The following FMN2 variants were observed in gnomAD, a reference collection of about 807,000 sequenced individuals.
The protein encoded by FMN2 is formin 2.
In FMN2, 51 loss-of-function variants were observed where a neutral mutation model predicts 142.3. The ratio of observed to expected loss-of-function variants is 0.36; its 90% CI spans 0.29 to 0.45. The LOEUF is 0.45. Among genes scored for constraint, FMN2 ranks in the 20% least tolerant of loss-of-function variants. The probability of loss-of-function intolerance (pLI) is 1.00; values close to 1 mark genes in which losing one functional copy is unlikely to be tolerated. For synonymous variants in FMN2, 882 were observed against 869.8 expected (o/e 1.01, Z -0.25); for missense variants, 1,936 against 2,122.8 (o/e 0.91, Z 1.73).
intron 7 of FMN2, among the ~76,000 whole-genome samples, chr1:240,271,116 T>G (rs112216288): frequency 2.6e-4 from 38 of 147,846 alleles, no homozygotes; most frequent in Non-Finnish European, 3.6e-4. Flanking sequence ...TTTTTTTTTT[T>G]TGTGACTCTG....
intron 8 of FMN2, among the ~76,000 whole-genome samples, chr1:240,296,438 C>CTTTTTTTTTTTTTTTTTTTTT (rs772711130): frequency 3.2e-4 from 15 of 46,912 alleles, no homozygotes; most frequent in Admixed American, 9.5e-4. Context: ...TCTTTGAGTG[C>CTTTTTTTTTTTTTTTTTTTTT]TTTTTTTTTT....
chr1:240,209,274 G>A (rs937232386), intron 5 of FMN2, among the ~76,000 whole-genome samples: 1 of 150,462 alleles, frequency 6.6e-6, no homozygotes, highest in Non-Finnish European at 1.5e-5. Context: ...GAGGGGGGAC[G>A]GAGTCTCGCT....
At chr1:240,224,695 G>A (rs182932251) in intron 6 of FMN2, among the ~76,000 whole-genome samples, 31 of 152,064 alleles carry the variant, frequency 2.0e-4, no homozygotes, top group Admixed American at 3.9e-4. Flanking sequence ...CGTGCTGCTC[G>A]CCGCACAGAA....
chr1:240,317,098 C>A (rs925361580), intron 8 of FMN2, among the ~76,000 whole-genome samples: 1 of 152,110 alleles, frequency 6.6e-6, no homozygotes, highest in African/African-American at 2.4e-5. Flanking sequence ...CGAGGTCTAT[C>A]ACAAGGTCAA....
In FMN2 at chr1:240,092,283, C is replaced by T. The variant is rs1345530820; in HGVS notation, c.174C>T (p.Gly58=). Residue 58 remains glycine, a synonymous_variant, in exon 1 of 18, where the codon GGC becomes GGT. Coordinates refer to ENST00000319653, the MANE Select transcript of FMN2 (RefSeq NM_020066.5). ...HGKGGGGGGG[G]GESGKKKSKS... Reference sequence around the variant, plus strand: ...AGGGGGGAGGGGGCGGCGGCGGCGGCGGGGAGTCGGGCAAGAAGAAGAGCA... The same window carrying T: ...AGGGGGGAGGGGGCGGCGGCGGCGGTGGGGAGTCGGGCAAGAAGAAGAGCA... 1 of 1,316,850 alleles carries T rather than the reference C, an allele frequency of 7.6e-7. No individual in the cohort carries two copies. The highest frequency in any genetic ancestry group is 1.0e-6 in the Non-Finnish European group (1 of 959,078). 81.6% of individuals were successfully genotyped at this position (1,316,850 alleles called of 1,614,324 possible).
chr1:240,145,260 T>C, intron 2 of FMN2: 2 of 1,459,162 alleles, frequency 1.4e-6, no homozygotes, highest in South Asian at 1.2e-5. Context: ...TCTTTGTCCT[T>C]GTCCCCGGCA....
chr1:240,094,816 A>G (rs1009384206), intron 1 of FMN2, among the ~76,000 whole-genome samples: 1 of 152,222 alleles, frequency 6.6e-6, no homozygotes, highest in African/African-American at 2.4e-5. Context: ...TATCTGTAAA[A>G]CATTGCTTAG....
intron 3 of FMN2, among the ~76,000 whole-genome samples, chr1:240,184,016 T>C (rs955908448): frequency 1.3e-5 from 2 of 152,106 alleles, no homozygotes; most frequent in Non-Finnish European, 2.9e-5. Context: ...AAGGGAGGTT[T>C]ATTTTCCATT....
At chr1:240,257,464 A>G (rs554250955) in intron 6 of FMN2, among the ~76,000 whole-genome samples, 1 of 152,276 alleles carries the variant, frequency 6.6e-6, no homozygotes, top group East Asian at 1.9e-4. Flanking sequence ...AAAATTTTTC[A>G]TGACACAACC....
chr1:240,169,753 G>A (rs1369372662), intron 2 of FMN2, among the ~76,000 whole-genome samples: 1 of 152,112 alleles, frequency 6.6e-6, no homozygotes, highest in Non-Finnish European at 1.5e-5. Flanking sequence ...GGAATTATAG[G>A]CGTGAGCCAC....
At chr1:240,426,926 A>T (rs1338870089) in intron 15 of FMN2, among the ~76,000 whole-genome samples, 1 of 151,760 alleles carries the variant, frequency 6.6e-6, no homozygotes, top group African/African-American at 2.4e-5. Context: ...TTTAGTAGAG[A>T]TGGGGTTTCA....
intron 2 of FMN2, among the ~76,000 whole-genome samples, chr1:240,157,974 TAAAAA>T (rs369527022): frequency 1.4e-5 from 1 of 73,722 alleles, no homozygotes; most frequent in Admixed American, 1.5e-4. Context: ...CTGTCTCTAC[TAAAAA>T]AAAAAAAAAA....
At chr1:240,448,945 C>T (rs1351749082) in intron 16 of FMN2, among the ~76,000 whole-genome samples, 1 of 152,000 alleles carries the variant, frequency 6.6e-6, no homozygotes, top group Non-Finnish European at 1.5e-5. Context: ...GAGTTGAGAC[C>T]AGCCTGGGCA....
intron 16 of FMN2, among the ~76,000 whole-genome samples, chr1:240,443,320 G>A (rs1433424176): frequency 6.6e-6 from 1 of 152,164 alleles, no homozygotes; most frequent in Admixed American, 6.5e-5. Context: ...CATCTACTTG[G>A]AACTAGACAT....
chr1:240,094,368 G>C (rs550837775), intron 1 of FMN2, among the ~76,000 whole-genome samples: 1 of 152,332 alleles, frequency 6.6e-6, no homozygotes, highest in South Asian at 2.1e-4. Flanking sequence ...AAATAGAATA[G>C]TAGGGATAAT....
At chr1:240,335,704 G>A (rs1011243196) in intron 13 of FMN2, among the ~76,000 whole-genome samples, 6 of 152,106 alleles carry the variant, frequency 3.9e-5, no homozygotes, top group Admixed American at 6.5e-5. Context: ...GCATCACTTC[G>A]GAATGTGATC....
At chr1:240,459,579 T>C (rs1676366729) in intron 16 of FMN2, 1 of 151,976 alleles carries the variant, frequency 6.6e-6, no homozygotes, top group African/African-American at 2.4e-5. Flanking sequence ...TAGCTGGGTG[T>C]GGTGGCATGC....
chr1:240,234,824 T>C (rs1054503249), intron 6 of FMN2, among the ~76,000 whole-genome samples: 1 of 152,198 alleles, frequency 6.6e-6, no homozygotes, highest in Non-Finnish European at 1.5e-5. Context: ...TCCAGTTATG[T>C]TTTAGCAAAG....
chr1:240,269,488 G>GT, intron 7 of FMN2, among the ~76,000 whole-genome samples: 1 of 151,936 alleles, frequency 6.6e-6, no homozygotes, highest in Admixed American at 6.6e-5. Flanking sequence ...GATTTCTCTG[G>GT]TTTTGTCCTT....
Sources: gnomAD v4.1 joint callset for allele counts (sites outside exome capture counted in the v4.1 genomes callset) on GRCh38, gnomAD v4.1.1 for gene constraint, MANE v1.5 for transcripts, NCBI Gene and HGNC (gene_info 2026-07-23, HGNC 2026-07-21) for gene names.